The following PTPRD variants were observed in gnomAD, a reference collection of about 807,000 sequenced individuals.
PTPRD encodes receptor-type tyrosine-protein phosphatase delta.
In PTPRD, 34 loss-of-function variants were observed where a neutral mutation model predicts 214.5. The observed-to-expected ratio is 0.16, with a 90% CI of 0.12 to 0.21. PTPRD has a LOEUF of 0.21. Among genes scored for constraint, PTPRD ranks in the 10% least tolerant of loss-of-function variants. The probability of loss-of-function intolerance (pLI) is 1.00; values close to 1 mark genes in which losing one functional copy is unlikely to be tolerated. For synonymous variants in PTPRD, 1,128 were observed against 845.7 expected (o/e 1.33, Z -5.79); for missense variants, 2,545 against 2,398.7 (o/e 1.06, Z -1.27).
chr9:9,582,967 T>C (rs2091157611), intron 7 of PTPRD, among the ~76,000 whole-genome samples: 1 of 152,068 alleles, frequency 6.6e-6, no homozygotes, highest in African/African-American at 2.4e-5. Context: ...GAAAGTCATT[T>C]GAAAGTTTAC....
chr9:9,361,438 T>A (rs1028034464), intron 9 of PTPRD, among the ~76,000 whole-genome samples: 1 of 151,144 alleles, frequency 6.6e-6, no homozygotes, highest in African/African-American at 2.4e-5. Flanking sequence ...CTGGCATTCC[T>A]CAATTTTATA....
chr9:9,944,404 A>C (rs1164989428), intron 4 of PTPRD, among the ~76,000 whole-genome samples: 2 of 140,724 alleles, frequency 1.4e-5, no homozygotes, highest in Non-Finnish European at 3.3e-5. Flanking sequence ...CTGGCACTTA[A>C]AATACAGGAG....
At chr9:9,109,666 G>A (rs1366360891) in intron 10 of PTPRD, among the ~76,000 whole-genome samples, 2 of 152,102 alleles carry the variant, frequency 1.3e-5, no homozygotes, top group African/African-American at 2.4e-5. Context: ...GATTTTAGTA[G>A]TGGAAATATT....
At chr9:8,726,589 AT>A (rs58956995) in intron 12 of PTPRD, among the ~76,000 whole-genome samples, 9,425 of 12,898 alleles carry the variant, frequency 0.73, 3,998 homozygotes, top group Non-Finnish European at 0.77. Flanking sequence ...AAAAAAAAAA[AT>A]ATATATATAT....
At chr9:8,548,987 G>T (rs1044968134) in intron 14 of PTPRD, among the ~76,000 whole-genome samples, 1 of 151,946 alleles carries the variant, frequency 6.6e-6, no homozygotes, top group Non-Finnish European at 1.5e-5. Flanking sequence ...CACCGTGCCC[G>T]GGCCACAGCT....
At chr9:8,658,419 T>C (rs750743305) in intron 12 of PTPRD, among the ~76,000 whole-genome samples, 6 of 152,178 alleles carry the variant, frequency 3.9e-5, no homozygotes, top group Non-Finnish European at 5.9e-5. Flanking sequence ...CCTTTCCCAT[T>C]AAGGCAATTT....
intron 8 of PTPRD, among the ~76,000 whole-genome samples, chr9:9,446,426 C>T (rs939728601): frequency 1.3e-5 from 2 of 152,160 alleles, no homozygotes; most frequent in South Asian, 2.1e-4. Context: ...GCTGACTAAG[C>T]TCAGTCTTGT....
intron 8 of PTPRD, among the ~76,000 whole-genome samples, chr9:9,431,923 G>A (rs2083308480): frequency 1.8e-5 from 2 of 113,364 alleles, no homozygotes; most frequent in Non-Finnish European, 1.7e-5. Context: ...GGAGGGGGGA[G>A]GGGTAGCATT....
At chr9:9,018,926 CTTTTAAAGCAACAAGAAG>C (rs1189590878) in intron 10 of PTPRD, among the ~76,000 whole-genome samples, 191 bp from the exon 11 acceptor site, 2 of 151,978 alleles carry the variant, frequency 1.3e-5, no homozygotes, top group Admixed American at 1.3e-4. Context: ...TAAAATGTTC[CTTTTAAAGCAACAAGAAG>C]CAAAACATGT....
chr9:10,073,062 G>C (rs71497173), intron 3 of PTPRD, among the ~76,000 whole-genome samples: 9,727 of 152,088 alleles, frequency 0.064, 449 homozygotes, highest in African/African-American at 0.12. Context: ...AGCCAAACCA[G>C]TCCAAAATGG....
chr9:9,142,961 G>T (rs2154481772), intron 10 of PTPRD, among the ~76,000 whole-genome samples: 1 of 152,138 alleles, frequency 6.6e-6, no homozygotes, highest in African/African-American at 2.4e-5. Context: ...GCTTGCCAAA[G>T]ACCCTACCTG....
At chr9:10,302,759 C>T (rs147933687) in intron 3 of PTPRD, among the ~76,000 whole-genome samples, 97 of 152,182 alleles carry the variant, frequency 6.4e-4, no homozygotes, top group Middle Eastern at 3.4e-3. Context: ...CCCAGATTCA[C>T]GAAACCATTT....
intron 3 of PTPRD, among the ~76,000 whole-genome samples, chr9:10,192,214 T>A (rs564919593): frequency 3.2e-4 from 48 of 152,096 alleles, no homozygotes; most frequent in Non-Finnish European, 5.7e-4. Context: ...CCTACAGCAC[T>A]GTGAAAGGAA....
chr9:8,984,296 T>C (rs1289700473), intron 11 of PTPRD, among the ~76,000 whole-genome samples: 1 of 152,070 alleles, frequency 6.6e-6, no homozygotes, highest in Admixed American at 6.6e-5. Flanking sequence ...GAAACCTGGA[T>C]CATAAAATGT....
At chr9:8,617,956 TG>T (rs1476038796) in intron 14 of PTPRD, among the ~76,000 whole-genome samples, 2 of 152,104 alleles carry the variant, frequency 1.3e-5, no homozygotes, top group Admixed American at 1.3e-4. Context: ...TCACTAACTT[TG>T]AAACTGGTAG....
At chr9:10,369,062 C>A (rs1299242387) in intron 2 of PTPRD, among the ~76,000 whole-genome samples, 3 of 151,866 alleles carry the variant, frequency 2.0e-5, no homozygotes, top group Non-Finnish European at 4.4e-5. Context: ...AGTGTCTCAA[C>A]TTAGGCATGC....
chr9:9,610,500 C>CAATT (rs1257134918), intron 7 of PTPRD, among the ~76,000 whole-genome samples: 2 of 152,098 alleles, frequency 1.3e-5, no homozygotes, highest in Non-Finnish European at 2.9e-5. Context: ...ACATTAATTG[C>CAATT]AATTAATTAT....
chr9:8,427,440 A>T (rs1329741042), intron 35 of PTPRD, among the ~76,000 whole-genome samples: 1 of 152,146 alleles, frequency 6.6e-6, no homozygotes, highest in Non-Finnish European at 1.5e-5. Flanking sequence ...TTAGAAATTG[A>T]TCCAGACACA....
chr9:9,226,309 G>C (rs977659690), intron 9 of PTPRD, among the ~76,000 whole-genome samples: 2 of 151,716 alleles, frequency 1.3e-5, no homozygotes, highest in Non-Finnish European at 2.9e-5. Flanking sequence ...CTATTATTTG[G>C]ATGAAAAATC....
Sources: gnomAD v4.1 joint callset for allele counts (sites outside exome capture counted in the v4.1 genomes callset) on GRCh38, gnomAD v4.1.1 for gene constraint, MANE v1.5 for transcripts, NCBI Gene and HGNC (gene_info 2026-07-23, HGNC 2026-07-21) for gene names.